The following TLL1 variants were observed in gnomAD, a reference collection of about 807,000 sequenced individuals.
The protein encoded by TLL1 is tolloid-like protein 1.
In TLL1, 49 loss-of-function variants were observed where a neutral mutation model predicts 128.2. That is an observed-to-expected ratio of 0.38 (90% confidence interval 0.30 to 0.48). TLL1 has a LOEUF of 0.48. Ranked by LOEUF, TLL1 falls within the 20% of genes least tolerant of loss-of-function variation. TLL1 has a pLI of 0.96. For missense variants in TLL1, 1,123 were observed against 1,242.0 expected (o/e 0.90, Z 1.44); for synonymous variants, 454 against 418.8 (o/e 1.08, Z -1.03).
Position 166,025,391 on chromosome 4 carries a change from C to T in TLL1, c.1118C>T (p.Thr373Ile), listed in dbSNP as rs1306840449. ...TTTCCCAATGGCTACCCTTCTTACACACACTGCATCTGGAGAGTTTCTGTG... is the reference window on the plus strand; with the variant it reads ...TTTCCCAATGGCTACCCTTCTTACATACACTGCATCTGGAGAGTTTCTGTG... ...PGFPNGYPSY[T>I]HCIWRVSVTP... is the part of the protein sequence containing the mutation. The change falls in exon 9 of 21, where the codon ACA (threonine) becomes ATA (isoleucine). Residue 373 changes from threonine (T) to isoleucine (I), a missense_variant. Thr to Ile is a moderately conservative substitution (Grantham distance 89). Transcript: ENST00000061240. 5 of 1,613,806 alleles carry T rather than the reference C, an allele frequency of 3.1e-6. No individual in the cohort carries two copies. The highest frequency in any genetic ancestry group is 3.4e-6 in the Non-Finnish European group (4 of 1,179,870).
intron 12 of TLL1, among the ~76,000 whole-genome samples, chr4:166,049,533 A>T (rs1428884830): frequency 6.6e-6 from 1 of 152,124 alleles, no homozygotes; most frequent in Non-Finnish European, 1.5e-5. Context: ...TTGAATCATG[A>T]AGAAAAAAAT....
chr4:165,949,981 T>A (rs1734432633), intron 1 of TLL1, among the ~76,000 whole-genome samples: 1 of 152,078 alleles, frequency 6.6e-6, no homozygotes, highest in South Asian at 2.1e-4. Context: ...AAGGCAGAGA[T>A]GATCAGATTG....
At chr4:166,070,098 T>G (rs1381592405) in intron 16 of TLL1, among the ~76,000 whole-genome samples, 1 of 151,810 alleles carries the variant, frequency 6.6e-6, no homozygotes, top group Admixed American at 6.6e-5. Context: ...GTTATTTTCT[T>G]CGACTAAATG....
chr4:165,933,358 G>C (rs529527627), intron 1 of TLL1, among the ~76,000 whole-genome samples: 1 of 152,150 alleles, frequency 6.6e-6, no homozygotes, highest in Non-Finnish European at 1.5e-5. Context: ...GCCTCCCCTG[G>C]GAGGCAATGA....
intron 1 of TLL1, among the ~76,000 whole-genome samples, chr4:165,919,616 G>A (rs537053862): frequency 6.6e-6 from 1 of 152,070 alleles, no homozygotes; most frequent in African/African-American, 2.4e-5. Context: ...ACCTCCAAAT[G>A]AATGGCAATA....
At chr4:165,955,306 A>T (rs560359213) in intron 1 of TLL1, among the ~76,000 whole-genome samples, 91 of 152,070 alleles carry the variant, frequency 6.0e-4, no homozygotes, top group Non-Finnish European at 1.1e-3. Flanking sequence ...AAGAGCCCAA[A>T]TGTGTGACTT....
rs1297944806 is a variant in TLL1 at position 165,952,457 on chromosome 4, T to C, written c.170-36924T>C. Among the ~76,000 whole-genome samples, 5 of 152,154 alleles carry C rather than the reference T, an allele frequency of 3.3e-5. No individual in the cohort carries two copies. In the South Asian group the frequency reaches 6.2e-4, roughly 19 times the overall value. ...TTTTAAACAATGGTTTGAATAGTTATGGGATGAAGTAGACAGGGAAGGAAA... is the reference window on the plus strand; with the variant it reads ...TTTTAAACAATGGTTTGAATAGTTACGGGATGAAGTAGACAGGGAAGGAAA... On this transcript the variant is annotated intron_variant, in intron 1 of 20. Transcript: ENST00000061240.
chr4:165,907,206 G>T (rs1732301470), intron 1 of TLL1, among the ~76,000 whole-genome samples: 2 of 152,086 alleles, frequency 1.3e-5, no homozygotes, highest in South Asian at 4.1e-4. Flanking sequence ...TTAAGAGTAT[G>T]TCATAGTAAT....
chr4:166,040,745 G>A (rs978866680), intron 10 of TLL1, among the ~76,000 whole-genome samples: 3 of 152,182 alleles, frequency 2.0e-5, no homozygotes, highest in African/African-American at 7.2e-5. Context: ...GCACACTACA[G>A]TTTAAAACAC....
intron 1 of TLL1, among the ~76,000 whole-genome samples, chr4:165,937,449 A>G (rs759169347): frequency 1.3e-5 from 2 of 152,138 alleles, no homozygotes; most frequent in Non-Finnish European, 2.9e-5. Flanking sequence ...CTGATTACTG[A>G]AAACAACAAA....
intron 2 of TLL1, among the ~76,000 whole-genome samples, chr4:165,990,119 A>G (rs527393019): frequency 4.0e-4 from 61 of 151,922 alleles, no homozygotes; most frequent in Non-Finnish European, 7.2e-4. Context: ...CCTGTAAGAA[A>G]CTTGATATAT....
At chr4:166,065,612 G>GT (rs910980144) in intron 15 of TLL1, 71 bp from the exon 16 acceptor site, 42 of 1,528,434 alleles carry the variant, frequency 2.7e-5, no homozygotes, top group Middle Eastern at 3.4e-4. Context: ...AATAAGATAT[G>GT]TTTTTTTAAG....
intron 1 of TLL1, among the ~76,000 whole-genome samples, chr4:165,969,693 TTC>T (rs1735547807): frequency 6.6e-6 from 1 of 152,140 alleles, no homozygotes; most frequent in South Asian, 2.1e-4. Context: ...GGGCCTGCTT[TTC>T]TCTCCCTTGA....
intron 1 of TLL1, among the ~76,000 whole-genome samples, chr4:165,957,402 G>A (rs1910384): frequency 0.6 from 91,774 of 151,704 alleles, 29,158 homozygotes; most frequent in Admixed American, 0.72. Flanking sequence ...TAATAGTGGG[G>A]GAACTTCAGC....
intron 1 of TLL1, among the ~76,000 whole-genome samples, chr4:165,923,715 G>A (rs1229807652): frequency 2.6e-5 from 4 of 152,070 alleles, no homozygotes; most frequent in Admixed American, 6.6e-5. Flanking sequence ...GATTACAGGC[G>A]TGAGCCACTG....
intron 8 of TLL1, among the ~76,000 whole-genome samples, chr4:166,021,715 G>A (rs1032162379): frequency 8.5e-5 from 13 of 152,264 alleles, no homozygotes; most frequent in African/African-American, 3.1e-4. Context: ...ACAGGCGTAA[G>A]CCACCGCGCC....
chr4:166,075,029 G>T, intron 17 of TLL1, 26 bp downstream of exon 17: 2 of 1,611,350 alleles, frequency 1.2e-6, no homozygotes, highest in South Asian at 2.2e-5. Flanking sequence ...CACTTTTTTT[G>T]ACAACATGTA....
chr4:165,907,043 G>C (rs999314408), intron 1 of TLL1, among the ~76,000 whole-genome samples: 2 of 152,120 alleles, frequency 1.3e-5, no homozygotes, highest in Non-Finnish European at 2.9e-5. Context: ...AAGAGATTCT[G>C]ACAGCTTGCT....
chr4:166,077,932 A>T lies in TLL1; in HGVS notation c.2344A>T (p.Ser782Cys), dbSNP rs1224230008. ...GTGTGAACAGAAGATCCACAGTCCA[A>T]GTGGCCTCATCACCAGTCCCAACTG... Reference protein sequence around the residue: ...AECEQKIHSPSGLITSPNWPD... With the variant: ...AECEQKIHSPCGLITSPNWPD... Residue 782 changes from serine (S) to cysteine (C), a missense_variant, in exon 18 of 21, where the codon AGT (serine) becomes TGT (cysteine). This residue lies in a region of TLL1 where 634 missense variants were observed against 672.4 expected (regional missense o/e 0.94). Transcript: ENST00000061240. 2 of 1,613,622 alleles carry T rather than the reference A, an allele frequency of 1.2e-6. No individual in the cohort carries two copies. The highest frequency in any genetic ancestry group is 1.7e-5 in the Admixed American group (1 of 59,964).
Sources: gnomAD v4.1 joint callset for allele counts (sites outside exome capture counted in the v4.1 genomes callset) on GRCh38, gnomAD v4.1.1 for gene constraint, gnomAD v4.1.1 regional missense constraint, MANE v1.5 for transcripts, NCBI Gene and HGNC (gene_info 2026-07-23, HGNC 2026-07-21) for gene names.